Variants in TRAK2 observed in about 807,000 individuals in gnomAD.
TRAK2 encodes the protein trafficking kinesin protein 2.
In TRAK2, 81 loss-of-function variants were observed where a neutral mutation model predicts 104.6. The ratio of observed to expected loss-of-function variants is 0.77; its 90% CI spans 0.65 to 0.93. The LOEUF is 0.93. Among genes scored for constraint, TRAK2 ranks in the 40% least tolerant of loss-of-function variants. TRAK2 has a pLI of 0.00. For missense variants in TRAK2, 1,002 were observed against 1,089.0 expected, an observed-to-expected ratio of 0.92 and a Z score of 1.12; for synonymous variants, 406 against 394.4, an observed-to-expected ratio of 1.03 and a Z score of -0.35.
chr2:201,427,291 T>G (rs1166056161), intron 1 of TRAK2, among the ~76,000 whole-genome samples: 3 of 152,006 alleles, frequency 2.0e-5, no homozygotes, highest in African/African-American at 7.2e-5. Context: ...ATCATTTACA[T>G]TAGGTATTTC....
Position 201,422,536 on chromosome 2 carries a change from G to A in TRAK2, c.-199-1830C>T, listed in dbSNP as rs147806526. On this transcript the variant is annotated intron_variant, in intron 1 of 15. Coordinates refer to ENST00000332624, the MANE Select transcript of TRAK2 (RefSeq NM_015049.3). ...AGAGTTACCCTCAAGAAGTAGAAAG[G>A]AACAAAGTAAATAAAGGAGACTGAA... Among the ~76,000 whole-genome samples, 926 of 152,216 alleles carry A rather than the reference G, an allele frequency of 6.1e-3. 7 individuals are homozygous for A. Among genetic ancestry groups the A allele is most frequent in the South Asian group, 0.012 (56 of 4,820 alleles).
chr2:201,407,665 G>T, intron 2 of TRAK2, 68 bp from the exon 3 acceptor site: 1 of 1,409,472 alleles, frequency 7.1e-7, no homozygotes, highest in East Asian at 2.4e-5. Context: ...AGAGAAAATT[G>T]ATGAAAATTA....
intron 2 of TRAK2, chr2:201,411,367 G>C: frequency 2.7e-6 from 2 of 737,026 alleles, no homozygotes; most frequent in Non-Finnish European, 5.1e-6. Flanking sequence ...CCAGTCAGAA[G>C]GTCTGCTCCA....
chr2:201,426,952 T>C (rs1348814793), intron 1 of TRAK2, among the ~76,000 whole-genome samples: 4 of 152,212 alleles, frequency 2.6e-5, no homozygotes, highest in African/African-American at 9.6e-5. Context: ...CCTAATTTAC[T>C]GCTTTTCTGA....
At chr2:201,445,634 T>A (rs1360521011) in intron 1 of TRAK2, among the ~76,000 whole-genome samples, 1 of 152,220 alleles carries the variant, frequency 6.6e-6, no homozygotes, top group East Asian at 1.9e-4. Context: ...AGGAAAAGAT[T>A]TGGATAGGTG....
At position 201,386,374 on chromosome 2, in the gene TRAK2, C is replaced by T. The variant is rs756699424; in HGVS notation, c.1807G>A (p.Ala603Thr). 13 of 1,614,046 alleles carry T rather than the reference C, an allele frequency of 8.1e-6. No individual in the cohort carries two copies. In the South Asian group the frequency reaches 1.2e-4, roughly 15 times the overall value. ...TKGFTQLPGD[A>T]IYHISDLEED... ...TCTAAATCTGAGATGTGATAAATAG[C>T]ATCCCCGGGCAACTGGGTAAAGCCT... The change falls in exon 14 of 16, where the codon GCT (alanine) becomes ACT (threonine). Residue 603 changes from alanine (A) to threonine (T), a missense_variant. Physicochemically the swap from Ala to Thr is moderately conservative, Grantham distance 58. Transcript: ENST00000332624.
intron 7 of TRAK2, among the ~76,000 whole-genome samples, chr2:201,396,594 T>A (rs1046161250): frequency 6.6e-5 from 10 of 152,240 alleles, no homozygotes; most frequent in African/African-American, 2.4e-4. Flanking sequence ...AAGAGATTAA[T>A]AACTAATAAT....
At chr2:201,430,049 T>C (rs1951827897) in intron 1 of TRAK2, among the ~76,000 whole-genome samples, 1 of 152,216 alleles carries the variant, frequency 6.6e-6, no homozygotes, top group Non-Finnish European at 1.5e-5. Flanking sequence ...CTTCTAACAG[T>C]CAGGAGCCTC....
intron 2 of TRAK2, among the ~76,000 whole-genome samples, chr2:201,417,096 C>T (rs1157458909): frequency 1.5e-5 from 2 of 135,708 alleles, no homozygotes; most frequent in African/African-American, 5.4e-5. Context: ...TGTAAAGATT[C>T]AGATGAGTTT....
In TRAK2 at chr2:201,380,430, C is replaced by T. The variant is rs1174377871; in HGVS notation, c.*113G>A. 4.4e-6 allele frequency: 5 copies of T among 1,142,598 alleles called. No individual in the cohort carries two copies. Among genetic ancestry groups the T allele is most frequent in the East Asian group, 2.6e-5 (1 of 39,136 alleles). 70.8% of individuals were successfully genotyped at this position (1,142,598 alleles called of 1,614,324 possible). A position where few individuals can be genotyped will look rare whatever the true frequency, so the allele number is the denominator to read the frequency against. On this transcript the variant is annotated 3_prime_UTR_variant, in exon 16 of 16. Transcript: ENST00000332624. The stretch of plus-strand genomic sequence containing the variant: ...ATTCCTCCATTCCCCCTTTCACATT[C>T]ACAACCCTTGTGCAACATTCCTTTT...
In TRAK2 at chr2:201,407,468, T is replaced by C. The variant is rs932078564; in HGVS notation, c.221A>G (p.His74Arg). 1 of 1,613,992 alleles carries C rather than the reference T, an allele frequency of 6.2e-7. No homozygotes were observed. The highest frequency in any genetic ancestry group is 1.7e-5 in the Admixed American group (1 of 59,998). ...YENQDWTQSP[H>R]QRQHASDALS... is the part of the protein sequence containing the mutation. ...AGCATCAGATGCATGCTGCCGCTGG[T>C]GTGGAGACTGAGTCCAGTCTTGATT... Residue 74 changes from histidine to arginine, a missense_variant, in exon 3 of 16, where the codon CAC becomes CGC. Transcript: ENST00000332624.
At chr2:201,432,700 C>T (rs1269256999) in intron 1 of TRAK2, among the ~76,000 whole-genome samples, 1 of 152,166 alleles carries the variant, frequency 6.6e-6, no homozygotes, top group Admixed American at 6.5e-5. Flanking sequence ...TAAAAAATAT[C>T]TTGCTACTTC....
At chr2:201,387,561 T>C (rs1048858641) in intron 13 of TRAK2, 142 bp downstream of exon 13, 1 of 812,458 alleles carries the variant, frequency 1.2e-6, no homozygotes. Flanking sequence ...TACTACAGTC[T>C]TGCCACCCAA....
chr2:201,381,239 G>C, intron 15 of TRAK2, 21 bp from the exon 16 acceptor site: 1 of 1,512,442 alleles, frequency 6.6e-7, no homozygotes, highest in Non-Finnish European at 9.0e-7. Context: ...AAAAAAAAAA[G>C]TGGGAGACAG....
At chr2:201,425,229 T>C (rs1031753411) in intron 1 of TRAK2, among the ~76,000 whole-genome samples, 1 of 152,310 alleles carries the variant, frequency 6.6e-6, no homozygotes, top group South Asian at 2.1e-4. Context: ...ACCACCTACC[T>C]AAATCAAAGA....
chr2:201,445,022 G>A (rs1576541596), intron 1 of TRAK2, among the ~76,000 whole-genome samples: 1 of 152,086 alleles, frequency 6.6e-6, no homozygotes, highest in East Asian at 1.9e-4. Flanking sequence ...AGAACTCAAA[G>A]TTTGGCAAAC....
intron 15 of TRAK2, among the ~76,000 whole-genome samples, chr2:201,382,021 C>A (rs1000725447): frequency 3.9e-5 from 6 of 152,164 alleles, no homozygotes; most frequent in Non-Finnish European, 8.8e-5. Flanking sequence ...CCCTGTAAAT[C>A]TTGCAGTTTG....
chr2:201,410,176 C>T (rs1391812821), intron 2 of TRAK2, among the ~76,000 whole-genome samples: 1 of 152,136 alleles, frequency 6.6e-6, no homozygotes, highest in Non-Finnish European at 1.5e-5. Context: ...GTGGCGGGCG[C>T]CTGCAGTCCC....
intron 1 of TRAK2, among the ~76,000 whole-genome samples, chr2:201,442,074 G>A (rs532235097): frequency 1.3e-5 from 2 of 151,714 alleles, no homozygotes; most frequent in East Asian, 2.0e-4. Context: ...AGAGAGGTAG[G>A]TGCCTATAGT....
Sources: allele counts gnomAD v4.1 joint callset (sites outside exome capture counted in the v4.1 genomes callset), GRCh38; gene constraint gnomAD v4.1.1; transcripts MANE v1.5; gene names NCBI Gene and HGNC (gene_info 2026-07-23, HGNC 2026-07-21).